The following BACH2 variants were observed in gnomAD, a reference collection of about 807,000 sequenced individuals.
The protein encoded by BACH2 is BACH transcriptional regulator 2.
A neutral mutation model predicts 61.8 loss-of-function variants in BACH2; 5 were observed. The ratio of observed to expected loss-of-function variants is 0.08; its 90% CI spans 0.04 to 0.17. BACH2 has a LOEUF of 0.17. BACH2 is among the 10% of genes least tolerant of loss of function. The pLI, the probability that BACH2 is intolerant of heterozygous loss-of-function variation, is 1.00. For synonymous variants in BACH2, 446 were observed against 440.1 expected, an observed-to-expected ratio of 1.01 and a Z score of -0.17; for missense variants, 824 against 1,091.1, an observed-to-expected ratio of 0.76 and a Z score of 3.45.
At chr6:90,111,321 C>T (rs971030572) in intron 4 of BACH2, among the ~76,000 whole-genome samples, 2 of 152,120 alleles carry the variant, frequency 1.3e-5, no homozygotes, top group African/African-American at 2.4e-5. Flanking sequence ...TTTACTTTTG[C>T]CTCTGTAGAA....
intron 3 of BACH2, among the ~76,000 whole-genome samples, chr6:90,248,605 C>T (rs575030791): frequency 3.1e-4 from 47 of 152,132 alleles, no homozygotes; most frequent in African/African-American, 9.9e-4. Flanking sequence ...GAAGGATGAA[C>T]GAGAGTTAGA....
chr6:90,123,464 G>T (rs1428209935), intron 4 of BACH2, among the ~76,000 whole-genome samples: 1 of 152,146 alleles, frequency 6.6e-6, no homozygotes, highest in African/African-American at 2.4e-5. Flanking sequence ...TGAAGGCTAG[G>T]ACAGCTTATA....
At chr6:89,952,625 G>C (rs1774198425) in intron 6 of BACH2, among the ~76,000 whole-genome samples, 1 of 152,144 alleles carries the variant, frequency 6.6e-6, no homozygotes. Flanking sequence ...ACAGGGTATG[G>C]GCTATTCCTT....
chr6:90,103,029 A>ATATATATATATATATTTTTT, intron 4 of BACH2, among the ~76,000 whole-genome samples: 1 of 21,162 alleles, frequency 4.7e-5, no homozygotes, highest in Non-Finnish European at 8.0e-5. Context: ...ATATATATAT[A>ATATATATATATATATTTTTT]TTTTTTTTTT....
intron 5 of BACH2, among the ~76,000 whole-genome samples, chr6:90,084,873 T>C (rs1030263016): frequency 6.6e-6 from 1 of 152,068 alleles, no homozygotes; most frequent in Non-Finnish European, 1.5e-5. Context: ...TTTGAAACCA[T>C]GGATCCTTAT....
At chr6:90,232,778 T>G (rs916640252) in intron 3 of BACH2, among the ~76,000 whole-genome samples, 6 of 152,228 alleles carry the variant, frequency 3.9e-5, no homozygotes, top group African/African-American at 1.4e-4. Flanking sequence ...TCCGTCTTCA[T>G]AATAGCTGCC....
chr6:90,241,847 T>G (rs1344649645), intron 3 of BACH2, among the ~76,000 whole-genome samples: 1 of 151,522 alleles, frequency 6.6e-6, no homozygotes, highest in African/African-American at 2.4e-5. Flanking sequence ...TGGGGAATAT[T>G]ATATGAAAGA....
chr6:90,217,586 A>G (rs944424603), intron 3 of BACH2, among the ~76,000 whole-genome samples: 1 of 152,152 alleles, frequency 6.6e-6, no homozygotes, highest in Non-Finnish European at 1.5e-5. Flanking sequence ...TATTTTCATT[A>G]CATTTGTTGT....
At chr6:90,207,305 G>C (rs1769182777) in intron 3 of BACH2, among the ~76,000 whole-genome samples, 2 of 152,072 alleles carry the variant, frequency 1.3e-5, no homozygotes, top group Admixed American at 6.6e-5. Flanking sequence ...TTTTTGAAGA[G>C]ATAGGGTTTT....
At chr6:90,108,548 A>G (rs1194796275) in intron 4 of BACH2, among the ~76,000 whole-genome samples, 2 of 152,148 alleles carry the variant, frequency 1.3e-5, no homozygotes, top group Non-Finnish European at 2.9e-5. Context: ...CTTTCTGTCT[A>G]ATTCTTCCCT....
chr6:90,128,762 CAT>C (rs762320467), intron 4 of BACH2, among the ~76,000 whole-genome samples: 68 of 152,320 alleles, frequency 4.5e-4, no homozygotes, highest in Non-Finnish European at 7.5e-4. Flanking sequence ...CACATGCACA[CAT>C]ATGTTTATTG....
intron 6 of BACH2, among the ~76,000 whole-genome samples, chr6:89,960,314 T>C (rs1774670065): frequency 6.6e-6 from 1 of 152,252 alleles, no homozygotes; most frequent in African/African-American, 2.4e-5. Flanking sequence ...TGAAGGGATT[T>C]ACCCAAAGTC....
chr6:90,011,154 T>C (rs911096875), intron 5 of BACH2, among the ~76,000 whole-genome samples: 6 of 151,440 alleles, frequency 4.0e-5, no homozygotes, highest in African/African-American at 1.5e-4. Context: ...TTTCTCTTGT[T>C]TTCTGCTAGA....
At chr6:90,258,919 C>T (rs1234769658) in intron 2 of BACH2, among the ~76,000 whole-genome samples, 1 of 152,154 alleles carries the variant, frequency 6.6e-6, no homozygotes, top group African/African-American at 2.4e-5. Context: ...CACCCCACAG[C>T]TTTACTGAAT....
chr6:90,214,031 T>G (rs1210375372), intron 3 of BACH2, among the ~76,000 whole-genome samples: 5 of 152,206 alleles, frequency 3.3e-5, no homozygotes, highest in African/African-American at 7.2e-5. Context: ...GTACTACTGG[T>G]GACAGCTTTT....
chr6:90,089,301 C>T (rs1782061643), intron 4 of BACH2, among the ~76,000 whole-genome samples, 192 bp from the exon 5 acceptor site: 1 of 151,978 alleles, frequency 6.6e-6, no homozygotes, highest in Non-Finnish European at 1.5e-5. Flanking sequence ...GGTAGAAACG[C>T]CTGGGCTCTG....
chr6:90,024,141 CTATATATA>C (rs56100309), intron 5 of BACH2, among the ~76,000 whole-genome samples: 3 of 150,538 alleles, frequency 2.0e-5, no homozygotes, highest in Non-Finnish European at 4.4e-5. Flanking sequence ...TCTACATCTA[CTATATATA>C]TATATATCCC....
chr6:90,041,542 T>C (rs1779533341), intron 5 of BACH2, among the ~76,000 whole-genome samples: 1 of 152,114 alleles, frequency 6.6e-6, no homozygotes, highest in Non-Finnish European at 1.5e-5. Context: ...AAAATGGTGC[T>C]AGGCTCTGTT....
chr6:90,012,031 A>T (rs1211613472), intron 5 of BACH2, among the ~76,000 whole-genome samples: 1 of 150,766 alleles, frequency 6.6e-6, no homozygotes, highest in African/African-American at 2.4e-5. Context: ...CCTGGCGTCA[A>T]GTGATCCTCC....
Sources: gnomAD v4.1 joint callset for allele counts (sites outside exome capture counted in the v4.1 genomes callset) on GRCh38, gnomAD v4.1.1 for gene constraint, MANE v1.5 for transcripts, NCBI Gene and HGNC (gene_info 2026-07-23, HGNC 2026-07-21) for gene names.